The following CLVS1 variants were observed in gnomAD, a reference collection of about 807,000 sequenced individuals.
The protein encoded by CLVS1 is clavesin 1.
CLVS1 carries 10 observed loss-of-function variants against 33.1 expected under a neutral mutation model. That is an observed-to-expected ratio of 0.30 (90% confidence interval 0.19 to 0.51). CLVS1 has a LOEUF of 0.51. CLVS1 is among the 20% of genes least tolerant of loss of function. The probability of loss-of-function intolerance (pLI) is 0.97; values close to 1 mark genes in which losing one functional copy is unlikely to be tolerated. For synonymous variants in CLVS1, 163 were observed against 166.1 expected, an observed-to-expected ratio of 0.98 and a Z score of 0.14; for missense variants, 343 against 433.4, an observed-to-expected ratio of 0.79 and a Z score of 1.85.
chr8:61,448,281 G>A (rs900689535), intron 3 of CLVS1, among the ~76,000 whole-genome samples: 1 of 151,800 alleles, frequency 6.6e-6, no homozygotes, highest in African/African-American at 2.4e-5. Context: ...GTAGGTTTAT[G>A]TTTCTTTCTA....
chr8:61,091,149 G>A (rs772544917), intron 1 of CLVS1, among the ~76,000 whole-genome samples: 11 of 152,210 alleles, frequency 7.2e-5, no homozygotes, highest in Non-Finnish European at 4.4e-5. Flanking sequence ...GGTCCTTACA[G>A]GAGGGATGCA....
At chr8:61,348,647 T>A (rs529997906) in intron 2 of CLVS1, among the ~76,000 whole-genome samples, 2 of 152,148 alleles carry the variant, frequency 1.3e-5, no homozygotes, top group African/African-American at 4.8e-5. Flanking sequence ...GTTGATTTCA[T>A]ATTTTGGCTA....
the CLVS1 span, among the ~76,000 whole-genome samples, chr8:61,014,703 G>C: frequency 6.6e-6 from 1 of 152,240 alleles, no homozygotes; most frequent in African/African-American, 2.4e-5. Flanking sequence ...TAAGGCTTAT[G>C]AAGACTTGAC....
At chr8:61,447,913 A>G (rs1816814975) in intron 3 of CLVS1, among the ~76,000 whole-genome samples, 1 of 152,068 alleles carries the variant, frequency 6.6e-6, no homozygotes, top group East Asian at 1.9e-4. Flanking sequence ...CCTGTTTAGG[A>G]GAACTGAGCT....
intron 3 of CLVS1, among the ~76,000 whole-genome samples, chr8:61,383,689 T>C (rs979466646): frequency 6.6e-6 from 1 of 152,228 alleles, no homozygotes; most frequent in Non-Finnish European, 1.5e-5. Context: ...TAATTAGGGC[T>C]AATGACACTC....
chr8:61,334,890 G>C (rs1360310309), intron 2 of CLVS1, among the ~76,000 whole-genome samples: 2 of 152,216 alleles, frequency 1.3e-5, no homozygotes, highest in African/African-American at 4.8e-5. Flanking sequence ...AGAGCTGGCT[G>C]TGCAGGAGAC....
At chr8:61,165,082 T>C (rs1190372903) in intron 2 of CLVS1, among the ~76,000 whole-genome samples, 1 of 152,184 alleles carries the variant, frequency 6.6e-6, no homozygotes, top group African/African-American at 2.4e-5. Context: ...CAGTGACTAG[T>C]GTTCAGCTCG....
intron 2 of CLVS1, chr8:61,370,647 C>T (rs1697261160): frequency 6.6e-6 from 1 of 152,324 alleles, no homozygotes; most frequent in Non-Finnish European, 1.5e-5. Context: ...CCTAGGCCTC[C>T]CAAAGTGCTG....
chr8:61,218,435 G>A (rs1290310305), intron 2 of CLVS1, among the ~76,000 whole-genome samples: 2 of 151,988 alleles, frequency 1.3e-5, no homozygotes, highest in African/African-American at 4.8e-5. Flanking sequence ...TCACTTATAC[G>A]TGGAAGCAAA....
intron 2 of CLVS1, among the ~76,000 whole-genome samples, chr8:61,255,956 A>T (rs1333399815): frequency 3.3e-5 from 5 of 152,172 alleles, no homozygotes; most frequent in South Asian, 4.1e-4. Context: ...TATATGATAA[A>T]ATATATATAT....
intron 3 of CLVS1, among the ~76,000 whole-genome samples, chr8:61,378,770 T>C (rs1183939615): frequency 6.6e-6 from 1 of 152,188 alleles, no homozygotes; most frequent in Non-Finnish European, 1.5e-5. Context: ...ACTTAAAACT[T>C]CTCACTTCAG....
rs1805040237 is a variant in CLVS1 at position 61,082,509 on chromosome 8, A to AACT, written c.-243+25281_-243+25282insTAC. On this transcript the variant is annotated intron_variant, in intron 1 of 2. Coordinates refer to the CLVS1 transcript ENST00000522621. The stretch of plus-strand genomic sequence containing the variant: ...CAAACAAACAAACAAAAACAACAAC[A>AACT]ACAACAAAAAACTGTGCCTTGGTAG... Among the ~76,000 whole-genome samples, 6 of 152,216 alleles carry AACT rather than the reference A, an allele frequency of 3.9e-5. No homozygotes were observed. The South Asian group carries it at 1.0e-3, about 26-fold the overall frequency.
chr8:61,281,714 C>A lies in CLVS1; in HGVS notation c.-151-17963C>A, dbSNP rs190256441. On this transcript the variant is annotated intron_variant, in intron 2 of 2. Coordinates refer to the CLVS1 transcript ENST00000522621. ...ATTTCTGCCGCATTTGCATTTCCTA[C>A]CTCATCCCACTAAATATCCAAGGCC... 1.7e-4 allele frequency among the ~76,000 whole-genome samples: 26 copies of A among 152,278 alleles called. No homozygotes were observed. In the East Asian group the frequency reaches 4.4e-3, roughly 26 times the overall value.
chr8:61,226,935 G>A (rs1448762183), intron 2 of CLVS1, among the ~76,000 whole-genome samples: 3 of 151,912 alleles, frequency 2.0e-5, no homozygotes, highest in Non-Finnish European at 4.4e-5. Flanking sequence ...GATGATCCAG[G>A]GTTTCAGAAT....
At chr8:61,101,647 A>T (rs1036327118) in intron 1 of CLVS1, among the ~76,000 whole-genome samples, 2 of 151,878 alleles carry the variant, frequency 1.3e-5, no homozygotes, top group Non-Finnish European at 2.9e-5. Context: ...TTATTTATTT[A>T]TTTGCTTTTG....
At chr8:60,999,068 G>A in the CLVS1 span, among the ~76,000 whole-genome samples, 5 of 152,166 alleles carry the variant, frequency 3.3e-5, no homozygotes, top group Non-Finnish European at 5.9e-5. Context: ...GGATCGAGGC[G>A]ACAGAGGATG....
chr8:61,364,602 T>G (rs1447785789), intron 2 of CLVS1, among the ~76,000 whole-genome samples: 1 of 152,228 alleles, frequency 6.6e-6, no homozygotes, highest in Non-Finnish European at 1.5e-5. Flanking sequence ...ATTTGTAAAA[T>G]GAGAAAGGAT....
chr8:61,261,060 G>T (rs1809193279), intron 2 of CLVS1, among the ~76,000 whole-genome samples: 1 of 152,156 alleles, frequency 6.6e-6, no homozygotes, highest in Admixed American at 6.5e-5. Context: ...TATTGTAAAA[G>T]TTAGTTTTAT....
chr8:61,424,159 A>G (rs1815790673), intron 3 of CLVS1, among the ~76,000 whole-genome samples: 1 of 152,204 alleles, frequency 6.6e-6, no homozygotes, highest in South Asian at 2.1e-4. Context: ...AAAGTTGTCC[A>G]CTATAATCAT....
Sources: gnomAD v4.1 joint callset for allele counts (sites outside exome capture counted in the v4.1 genomes callset) on GRCh38, gnomAD v4.1.1 for gene constraint, MANE v1.5 for transcripts, NCBI Gene and HGNC (gene_info 2026-07-23, HGNC 2026-07-21) for gene names.